Variants in PTPRD observed in about 807,000 individuals in gnomAD.
PTPRD encodes receptor-type tyrosine-protein phosphatase delta.
PTPRD carries 34 observed loss-of-function variants against 214.5 expected under a neutral mutation model. That is an observed-to-expected ratio of 0.16 (90% confidence interval 0.12 to 0.21). The LOEUF (loss-of-function observed/expected upper bound fraction) is 0.21. Ranked by LOEUF, PTPRD falls within the 10% of genes least tolerant of loss-of-function variation. PTPRD has a pLI of 1.00. For synonymous variants in PTPRD, 1,128 were observed against 845.7 expected, an observed-to-expected ratio of 1.33 and a Z score of -5.79; for missense variants, 2,545 against 2,398.7, an observed-to-expected ratio of 1.06 and a Z score of -1.27.
At chr9:9,560,608 T>C (rs1014495002) in intron 8 of PTPRD, among the ~76,000 whole-genome samples, 1 of 152,142 alleles carries the variant, frequency 6.6e-6, no homozygotes, top group Admixed American at 6.5e-5. Context: ...CCTCAGGGGC[T>C]GAAGACCCAC....
chr9:9,411,965 G>A (rs185699836), intron 8 of PTPRD, among the ~76,000 whole-genome samples: 1 of 152,312 alleles, frequency 6.6e-6, no homozygotes, highest in Non-Finnish European at 1.5e-5. Flanking sequence ...CTGAGGCCAG[G>A]AAAAGGTCAG....
At chr9:9,533,722 G>A (rs2148535) in intron 8 of PTPRD, among the ~76,000 whole-genome samples, 27,259 of 151,666 alleles carry the variant, frequency 0.18, 2,706 homozygotes, top group Middle Eastern at 0.22. Flanking sequence ...TGATCTCTCA[G>A]TCACTAATAA....
At chr9:8,668,182 C>G (rs1167909128) in intron 12 of PTPRD, among the ~76,000 whole-genome samples, 23 of 152,044 alleles carry the variant, frequency 1.5e-4, no homozygotes, top group Admixed American at 1.5e-3. Flanking sequence ...TAAGCAACAC[C>G]AAGAACAGTG....
At chr9:9,074,227 T>C (rs1388155775) in intron 10 of PTPRD, among the ~76,000 whole-genome samples, 2 of 152,150 alleles carry the variant, frequency 1.3e-5, no homozygotes, top group Non-Finnish European at 2.9e-5. Flanking sequence ...GTTTTATTGA[T>C]CTTCAATGGG....
At chr9:8,638,487 C>CAA (rs1451796151) in intron 12 of PTPRD, among the ~76,000 whole-genome samples, 6 of 152,120 alleles carry the variant, frequency 3.9e-5, no homozygotes, top group African/African-American at 1.4e-4. Flanking sequence ...ATATGAAATA[C>CAA]ATTAATTTAC....
chr9:10,482,953 A>G (rs1423371627), intron 2 of PTPRD, among the ~76,000 whole-genome samples: 1 of 152,188 alleles, frequency 6.6e-6, no homozygotes. Context: ...ATTCATATGG[A>G]ACCAAAAAAG....
At chr9:8,770,465 G>A (rs936638194) in intron 11 of PTPRD, among the ~76,000 whole-genome samples, 3 of 151,916 alleles carry the variant, frequency 2.0e-5, no homozygotes, top group Non-Finnish European at 4.4e-5. Context: ...CTATTCAACA[G>A]CAATTCATTT....
intron 45 of PTPRD, among the ~76,000 whole-genome samples, chr9:8,318,566 G>A (rs888449544): frequency 2.6e-5 from 4 of 152,018 alleles, no homozygotes; most frequent in South Asian, 2.1e-4. Flanking sequence ...AGCTGGTGCG[G>A]CACACCAGGC....
chr9:10,109,754 G>A (rs2098673359), intron 3 of PTPRD, among the ~76,000 whole-genome samples: 2 of 152,284 alleles, frequency 1.3e-5, no homozygotes, highest in South Asian at 4.1e-4. Context: ...GATAAAGCCA[G>A]ACCTCTAGGG....
At chr9:10,406,470 C>T (rs551153992) in intron 2 of PTPRD, among the ~76,000 whole-genome samples, 1 of 151,568 alleles carries the variant, frequency 6.6e-6, no homozygotes, top group East Asian at 2.0e-4. Context: ...TGTACCCTAT[C>T]AAAAATCTTG....
intron 11 of PTPRD, among the ~76,000 whole-genome samples, chr9:8,741,051 T>G (rs1401521595): frequency 6.6e-6 from 1 of 152,212 alleles, no homozygotes; most frequent in Non-Finnish European, 1.5e-5. Context: ...AAATTATTAT[T>G]GATGCATCCC....
At chr9:10,024,695 A>G (rs536700898) in intron 4 of PTPRD, among the ~76,000 whole-genome samples, 1 of 151,360 alleles carries the variant, frequency 6.6e-6, no homozygotes, top group Non-Finnish European at 1.5e-5. Flanking sequence ...TTTGTTACAT[A>G]CGTATACATG....
intron 7 of PTPRD, among the ~76,000 whole-genome samples, chr9:9,667,664 T>A (rs1054881002): frequency 4.6e-5 from 7 of 152,136 alleles, no homozygotes; most frequent in Admixed American, 3.3e-4. Flanking sequence ...TAGACAATCA[T>A]CCAGTTTGGA....
At chr9:8,723,771 T>C (rs911834650) in intron 12 of PTPRD, among the ~76,000 whole-genome samples, 20 of 152,194 alleles carry the variant, frequency 1.3e-4, no homozygotes, top group African/African-American at 4.6e-4. Context: ...TGTTTCTCTA[T>C]ATATTTATCT....
At chr9:10,111,230 T>C (rs796933647) in intron 3 of PTPRD, among the ~76,000 whole-genome samples, 238 of 17,694 alleles carry the variant, frequency 0.013, 1 homozygote, top group African/African-American at 0.044. Context: ...GTTTAGTTTC[T>C]TTTTTTTTTT....
chr9:9,566,295 G>T lies in PTPRD; in HGVS notation c.-237+8437C>A, dbSNP rs562402736. ...CACATGTTGATCTGTCAAAAACTGT[G>T]ATATATATGAAGGTAAATTATAATA... is the stretch of plus-strand genomic sequence containing the variant. On this transcript the variant is annotated intron_variant, in intron 8 of 45. Transcript: ENST00000381196. Among the ~76,000 whole-genome samples the T allele has an allele frequency of 1.2e-4, 18 of 151,982 alleles. 2 individuals are homozygous for T. The South Asian group carries it at 3.7e-3, about 32-fold the overall frequency.
rs1436606392 is a variant in PTPRD, at chr9:10,252,455, T to A, written c.-545+88508A>T. 2.0e-5 allele frequency among the ~76,000 whole-genome samples: 3 copies of A among 152,236 alleles called. No individual in the cohort carries two copies. In the East Asian group the frequency reaches 5.8e-4, roughly 29 times the overall value. ...ATCATCAACTGCCAAGCTAAAGCCT[T>A]TGAAGTAACACCAGCCTCCTCCATT... On this transcript the variant is annotated intron_variant, in intron 3 of 45. Transcript: ENST00000381196.
intron 2 of PTPRD, among the ~76,000 whole-genome samples, chr9:10,507,627 C>A (rs1185036947): frequency 1.3e-5 from 2 of 151,996 alleles, no homozygotes; most frequent in African/African-American, 2.4e-5. Context: ...CGGAACAGAG[C>A]CCTCAGAAAT....
intron 5 of PTPRD, among the ~76,000 whole-genome samples, chr9:9,858,599 C>T (rs2062021051): frequency 6.6e-6 from 1 of 152,154 alleles, no homozygotes; most frequent in Admixed American, 6.5e-5. Flanking sequence ...CATGAAGCAG[C>T]AGTTAGCCAT....
Sources: allele counts gnomAD v4.1 joint callset (sites outside exome capture counted in the v4.1 genomes callset), GRCh38; gene constraint gnomAD v4.1.1; transcripts MANE v1.5; gene names NCBI Gene and HGNC (gene_info 2026-07-23, HGNC 2026-07-21).